The following LRRC37A2 variants were observed in gnomAD, a reference collection of about 807,000 sequenced individuals.
LRRC37A2 encodes the protein leucine rich repeat containing 37 member A2, also known as leucine-rich repeat-containing protein 37A2.
LRRC37A2 carries 9 observed loss-of-function variants against 68.8 expected under a neutral mutation model. That is an observed-to-expected ratio of 0.13 (90% CI 0.08 to 0.23). The LOEUF is 0.23. LRRC37A2 is among the 10% of genes least tolerant of loss of function. The pLI is 1.00. For synonymous variants in LRRC37A2, 63 were observed against 367.6 expected, an observed-to-expected ratio of 0.17 and a Z score of 9.48; for missense variants, 168 against 950.4, an observed-to-expected ratio of 0.18 and a Z score of 10.82.
chr17:46,493,812 C>T, the LRRC37A2 span, among the ~76,000 whole-genome samples: 1 of 150,852 alleles, frequency 6.6e-6, no homozygotes, highest in South Asian at 2.1e-4. Flanking sequence ...GCTGGGATTA[C>T]AGGCGTGAGC....
At chr17:46,902,888 CT>C in the LRRC37A2 span, among the ~76,000 whole-genome samples, 25 of 152,098 alleles carry the variant, frequency 1.6e-4, no homozygotes, top group Non-Finnish European at 3.2e-4. Context: ...TTCCTTTTTC[CT>C]TTTCAGAGAC....
the LRRC37A2 span, chr17:46,935,048 C>T: frequency 6.2e-7 from 1 of 1,612,580 alleles, no homozygotes; most frequent in Non-Finnish European, 8.5e-7. Context: ...ACCACCATAC[C>T]AATGGACGAA....
chr17:46,878,422 G>A, the LRRC37A2 span, among the ~76,000 whole-genome samples: 1 of 152,240 alleles, frequency 6.6e-6, no homozygotes, highest in Non-Finnish European at 1.5e-5. Flanking sequence ...GTGGATCAGG[G>A]CAGTCTGCTG....
chr17:46,793,031 G>A, the LRRC37A2 span, among the ~76,000 whole-genome samples: 15 of 151,732 alleles, frequency 9.9e-5, no homozygotes, highest in African/African-American at 2.9e-4. Flanking sequence ...TTGAAAGGCC[G>A]AGGCGGGAGG....
chr17:46,613,122 GT>G, the LRRC37A2 span, among the ~76,000 whole-genome samples: 1 of 43,268 alleles, frequency 2.3e-5, no homozygotes, highest in African/African-American at 7.0e-5. Flanking sequence ...AAAAAAAATT[GT>G]TTTAATTACC....
chr17:46,791,505 C>G, the LRRC37A2 span, among the ~76,000 whole-genome samples: 1 of 152,162 alleles, frequency 6.6e-6, no homozygotes, highest in Non-Finnish European at 1.5e-5. Context: ...CCACGCCCGG[C>G]CTCCTCACTG....
At chr17:46,845,485 A>ATTTT in the LRRC37A2 span, among the ~76,000 whole-genome samples, 14 of 121,378 alleles carry the variant, frequency 1.2e-4, no homozygotes, top group East Asian at 1.1e-3. Context: ...AGTTATCTGA[A>ATTTT]TTTTTTTTTT....
At chr17:46,498,875 A>G in the LRRC37A2 span, among the ~76,000 whole-genome samples, 1 of 150,848 alleles carries the variant, frequency 6.6e-6, no homozygotes, top group Admixed American at 6.6e-5. Flanking sequence ...CAATGTATGT[A>G]GATATACGTA....
chr17:46,799,502 C>T, the LRRC37A2 span, among the ~76,000 whole-genome samples: 1 of 145,584 alleles, frequency 6.9e-6, no homozygotes, highest in Non-Finnish European at 1.5e-5. Context: ...GGCTGGAGTG[C>T]AGTGGTGTCA....
chr17:46,726,847 C>T, the LRRC37A2 span, among the ~76,000 whole-genome samples: 1 of 152,012 alleles, frequency 6.6e-6, no homozygotes. Context: ...TTGTAAGGGC[C>T]CATGTCTCAT....
At chr17:47,001,672 C>T in the LRRC37A2 span, among the ~76,000 whole-genome samples, 3 of 151,774 alleles carry the variant, frequency 2.0e-5, no homozygotes, top group African/African-American at 7.3e-5. Flanking sequence ...TTCCCTCTCA[C>T]CCCCAAGCAA....
At chr17:46,492,793 A>G in the LRRC37A2 span, among the ~76,000 whole-genome samples, 1 of 144,298 alleles carries the variant, frequency 6.9e-6, no homozygotes, top group South Asian at 2.1e-4. Context: ...TCCCGGGTTC[A>G]TGCCATTCTC....
At chr17:46,969,586 C>T in the LRRC37A2 span, among the ~76,000 whole-genome samples, 1 of 152,208 alleles carries the variant, frequency 6.6e-6, no homozygotes, top group Admixed American at 6.5e-5. Context: ...CAGCCTCTGT[C>T]CTGATGGCCA....
the LRRC37A2 span, among the ~76,000 whole-genome samples, chr17:46,852,358 CAGG>C: frequency 6.7e-6 from 1 of 149,764 alleles, no homozygotes; most frequent in African/African-American, 2.5e-5. Flanking sequence ...GGTGATTTCT[CAGG>C]AGAACACTGG....
At chr17:46,729,034 A>G in the LRRC37A2 span, 2 of 751,348 alleles carry the variant, frequency 2.7e-6, no homozygotes, top group Non-Finnish European at 4.2e-6. Context: ...TCATAAACAT[A>G]AAATTCTGTT....
chr17:46,731,938 A>G, the LRRC37A2 span, among the ~76,000 whole-genome samples: 1 of 152,232 alleles, frequency 6.6e-6, no homozygotes, highest in Admixed American at 6.5e-5. Flanking sequence ...TATTCTCTCA[A>G]GAAAATAAGG....
the LRRC37A2 span, chr17:46,940,506 C>A: frequency 4.3e-6 from 7 of 1,613,710 alleles, no homozygotes; most frequent in Non-Finnish European, 5.9e-6. Flanking sequence ...TTTGGTAATC[C>A]ATAAAATGGA....
At chr17:46,496,840 G>A in the LRRC37A2 span, among the ~76,000 whole-genome samples, 2 of 140,696 alleles carry the variant, frequency 1.4e-5, no homozygotes, top group Non-Finnish European at 3.1e-5. Flanking sequence ...GCTTGAAGCT[G>A]GGAGGCAGAG....
At chr17:46,765,595 A>AACG in the LRRC37A2 span, among the ~76,000 whole-genome samples, 1 of 149,818 alleles carries the variant, frequency 6.7e-6, no homozygotes, top group Non-Finnish European at 1.5e-5. Flanking sequence ...GAGAACAGCT[A>AACG]ACGACTCTGT....
Sources: allele counts gnomAD v4.1 joint callset (sites outside exome capture counted in the v4.1 genomes callset), GRCh38; gene constraint gnomAD v4.1.1; transcripts MANE v1.5; gene names NCBI Gene and HGNC (gene_info 2026-07-23, HGNC 2026-07-21).